LZTS3: variants seen among roughly 807,000 people sequenced by gnomAD.
LZTS3 encodes the protein leucine zipper tumor suppressor family member 3, also known as leucine zipper putative tumor suppressor 3.
LZTS3 carries 16 observed loss-of-function variants against 50.9 expected under a neutral mutation model. The ratio of observed to expected loss-of-function variants is 0.31; its 90% confidence interval spans 0.21 to 0.48. LZTS3 has a LOEUF of 0.48. LZTS3 is among the 20% of genes least tolerant of loss of function. LZTS3 has a pLI of 0.99. For synonymous variants in LZTS3, 408 were observed against 410.6 expected, an observed-to-expected ratio of 0.99 and a Z score of 0.08; for missense variants, 816 against 931.0, an observed-to-expected ratio of 0.88 and a Z score of 1.61.
At position 3,166,345 on chromosome 20, in the gene LZTS3, C is replaced by A. The variant is rs754846615; in HGVS notation, c.475G>T (p.Val159Phe). ...ACAGGCTTGAAGGCCGACGGCCGAA[C>A]TAGTGGTTCTGAGCACTGCAGGAAA... Reference protein sequence around the residue: ...GKLDQCSEPLVRPSAFKPVVP... With the variant: ...GKLDQCSEPLFRPSAFKPVVP... Residue 159 changes from valine (V) to phenylalanine (F), a missense_variant, in exon 4 of 5, where the codon GTT becomes TTT. By Grantham distance (50) the Val-to-Phe change is conservative. This residue lies in a region of LZTS3 where 700 missense variants were observed against 769.4 expected (regional missense o/e 0.91). Transcript: ENST00000337576. The A allele has an allele frequency of 1.2e-6, 2 of 1,609,320 alleles. No homozygotes were observed. Among genetic ancestry groups the A allele is most frequent in the South Asian group, 2.2e-5 (2 of 90,210 alleles).
At chr20:3,171,731 C>A (rs76119523) in intron 1 of LZTS3, among the ~76,000 whole-genome samples, 1 of 151,718 alleles carries the variant, frequency 6.6e-6, no homozygotes, top group Non-Finnish European at 1.5e-5. Flanking sequence ...CCCTGGTAAG[C>A]AGGAACTGAA....
chr20:3,167,367 G>A, intron 2 of LZTS3, 186 bp from the exon 3 acceptor site: 3 of 1,345,230 alleles, frequency 2.2e-6, no homozygotes, highest in Non-Finnish European at 9.5e-7. Context: ...GGGAATGGGG[G>A]CTGCCTGTTG....
chr20:3,165,519 CG>C lies in LZTS3; in HGVS notation c.1300del (p.Arg434GlyfsTer2). The C allele has an allele frequency of 6.4e-7, 1 of 1,554,746 alleles. No homozygotes were observed. The highest frequency in any genetic ancestry group is 8.7e-7 in the Non-Finnish European group (1 of 1,156,042). ...CACCTCCCACTTAGTTTCCTCTATC[CG>C]GGGCAGGAAGTCGGCCTGCTCCTTC... ...CQKEQADFLP[R>X]IEETKWEVCQ... On this transcript the variant is annotated frameshift_variant, in exon 4 of 5. Transcript: ENST00000337576. LOFTEE classifies it high-confidence loss of function. This position sits in a 1 kb window ranked among gnomAD's most constrained non-coding sequence, Gnocchi z 5.0.
chr20:3,164,473 A>G lies in LZTS3; in HGVS notation c.2003T>C (p.Ile668Thr), dbSNP rs2066774899. 2.6e-6 allele frequency: 4 copies of G among 1,548,326 alleles called. No homozygotes were observed. Among genetic ancestry groups the G allele is most frequent in the Non-Finnish European group, 3.5e-6 (4 of 1,145,606 alleles). ...KAWTPSRLER[I>T]ESTEI Reference sequence around the variant, plus strand: ...GGTCGATCAGATTTCTGTGGACTCAATGCGCTCGAGGCGGGAGGGGGTCCA... The same window carrying G: ...GGTCGATCAGATTTCTGTGGACTCAGTGCGCTCGAGGCGGGAGGGGGTCCA... Residue 668 changes from isoleucine (I) to threonine (T), a missense_variant, in exon 5 of 5, where the codon ATT (isoleucine) becomes ACT (threonine). This residue lies in a region of LZTS3 where 107 missense variants were observed against 130.4 expected (regional missense o/e 0.82). Coordinates refer to ENST00000337576, the MANE Select transcript of LZTS3 (RefSeq NM_001365618.1).
chr20:3,172,705 AGGAAAT>A (rs2066914697), intron 1 of LZTS3, among the ~76,000 whole-genome samples: 1 of 152,154 alleles, frequency 6.6e-6, no homozygotes, highest in Admixed American at 6.5e-5. Context: ...CCCTGCACCA[AGGAAAT>A]GCAGGGCAAA....
chr20:3,171,691 G>A (rs1055601114), intron 1 of LZTS3, among the ~76,000 whole-genome samples: 1 of 151,672 alleles, frequency 6.6e-6, no homozygotes, highest in African/African-American at 2.4e-5. Context: ...ATCCCAGCAG[G>A]ACACCGGCAG....
Position 3,165,397 on chromosome 20 carries a change from C to A in LZTS3, c.1323+100G>T. 16 of 1,173,840 alleles carry A rather than the reference C, an allele frequency of 1.4e-5. 1 individual carries two copies. In the Admixed American group the frequency reaches 3.1e-4, roughly 23 times the overall value. The allele number at this position is 1,173,840 out of a possible 1,614,324, so 72.7% of individuals were successfully genotyped here. A position where few individuals can be genotyped will look rare whatever the true frequency, so the allele number is the denominator to read the frequency against. ...TGTCCCCCCTGCTCCTTTCATCCCC[C>A]CCCCCATCCCACCGTTATGATAGTG... On this transcript the variant is annotated intron_variant, in intron 4 of 4. Coordinates refer to ENST00000337576, the MANE Select transcript of LZTS3 (RefSeq NM_001365618.1). The surrounding 1 kb of genome is among the most constrained non-coding windows in gnomAD (Gnocchi z 5.0).
Position 3,166,249 on chromosome 20 carries a change from G to C in LZTS3, c.571C>G (p.Gln191Glu). 1 of 1,613,798 alleles carries C rather than the reference G, an allele frequency of 6.2e-7. No individual in the cohort carries two copies. ...PQTNGTPEGR[Q>E]GPGGLKGGLD... ...CCGCCTTTGAGGCCACCAGGGCCCT[G>C]CCGTCCCTCAGGAGTCCCATTGGTC... The change falls in exon 4 of 5, where the codon CAG becomes GAG. Residue 191 changes from glutamine to glutamate, a missense_variant. By Grantham distance (29) the Gln-to-Glu change is conservative. This residue lies in a region of LZTS3 where 700 missense variants were observed against 769.4 expected (regional missense o/e 0.91). Coordinates refer to ENST00000337576, the MANE Select transcript of LZTS3 (RefSeq NM_001365618.1).
chr20:3,173,260 C>T (rs997381266), intron 1 of LZTS3, among the ~76,000 whole-genome samples, 195 bp downstream of exon 1: 1 of 152,204 alleles, frequency 6.6e-6, no homozygotes, highest in Admixed American at 6.5e-5. Context: ...CCCCTCTGGC[C>T]GCCACCTCCC....
In LZTS3 at chr20:3,173,498, A is replaced by G. The variant is rs1313886112; in HGVS notation, c.-286T>C. ...GCGCGGGGTCTCCGACACGGGCGCC[A>G]CCGGCCCCGCTTGCTGGCGCAGCCC... On this transcript the variant is annotated 5_prime_UTR_variant, in exon 1 of 5. Transcript: ENST00000337576. The G allele has an allele frequency of 6.6e-6, 1 of 151,596 alleles. No individual in the cohort carries two copies. The highest frequency in any genetic ancestry group is 2.1e-4 in the South Asian group (1 of 4,830). 9.4% of individuals were successfully genotyped at this position (151,596 alleles called of 1,614,324 possible).
At position 3,164,756 on chromosome 20, in the gene LZTS3, G is replaced by A. The variant is rs2066781960; in HGVS notation, c.1720C>T (p.Arg574Trp). The A allele has an allele frequency of 2.0e-6, 3 of 1,518,112 alleles. No individual in the cohort carries two copies. Among genetic ancestry groups the A allele is most frequent in the South Asian group, 2.5e-5 (2 of 80,216 alleles). The allele number at this position is 1,518,112 out of a possible 1,614,324, so 94.0% of individuals were successfully genotyped here. A position where few individuals can be genotyped will look rare whatever the true frequency, so the allele number is the denominator to read the frequency against. Residue 574 changes from arginine (R) to tryptophan (W), a missense_variant, in exon 5 of 5, where the codon CGG becomes TGG. Arg to Trp is a moderately radical substitution (Grantham distance 101). This residue lies in a region of LZTS3 where 9 missense variants were observed against 31.2 expected (regional missense o/e 0.29). Transcript: ENST00000337576. ...AGGESGTRAL[R>W]REVGRLQAEL... ...GCCTGCAGCCGCCCCACCTCCCGCC[G>A]CAGGGCCCGCGTCCCGCTCTCCCCG...
intron 1 of LZTS3, among the ~76,000 whole-genome samples, chr20:3,173,032 C>T (rs2066917931): frequency 6.6e-6 from 1 of 151,748 alleles, no homozygotes; most frequent in Non-Finnish European, 1.5e-5. Flanking sequence ...CACGCGCGCA[C>T]ACACGAGCTT....
At chr20:3,171,601 G>A (rs1179561582) in intron 1 of LZTS3, among the ~76,000 whole-genome samples, 2 of 150,978 alleles carry the variant, frequency 1.3e-5, no homozygotes, top group Non-Finnish European at 2.9e-5. Context: ...GGAGGTGGAG[G>A]TTGCAGTGAT....
chr20:3,165,486 C>T lies in LZTS3; in HGVS notation c.1323+11G>A. 6.6e-7 allele frequency: 1 copy of T among 1,521,422 alleles called. No homozygotes were observed. The allele number at this position is 1,521,422 out of a possible 1,614,324, so 94.2% of individuals were successfully genotyped here. ...GGAGGCAGAGGGGAGGCCCAGATCC[C>T]CAGCCCGCACCTCCCACTTAGTTTC... On this transcript the variant is annotated intron_variant, in intron 4 of 4. Coordinates refer to ENST00000337576, the MANE Select transcript of LZTS3 (RefSeq NM_001365618.1). The surrounding 1 kb of genome is among the most constrained non-coding windows in gnomAD (Gnocchi z 5.0).
chr20:3,173,043 C>A (rs1205607204), intron 1 of LZTS3, among the ~76,000 whole-genome samples: 1 of 144,186 alleles, frequency 6.9e-6, no homozygotes, highest in Non-Finnish European at 1.5e-5. Context: ...ACACGAGCTT[C>A]TGCTGGGGGT....
In LZTS3 at chr20:3,164,396, A is replaced by G. The variant is rs868655442; in HGVS notation, c.*58T>C. ...GGAAGAGAGATGGAGGGGAGGGGAC[A>G]CTGGGGACTCTGGCCTTTTGACAGG... On this transcript the variant is annotated 3_prime_UTR_variant, in exon 5 of 5. Coordinates refer to ENST00000337576, the MANE Select transcript of LZTS3 (RefSeq NM_001365618.1). 29 of 1,475,510 alleles carry G rather than the reference A, an allele frequency of 2.0e-5. No homozygotes were observed. The Middle Eastern group carries it at 9.2e-4, about 47-fold the overall frequency. 91.4% of individuals were successfully genotyped at this position (1,475,510 alleles called of 1,614,324 possible).
chr20:3,171,858 G>A (rs1205671010), intron 1 of LZTS3, among the ~76,000 whole-genome samples: 2 of 152,062 alleles, frequency 1.3e-5, no homozygotes, highest in East Asian at 3.9e-4. Context: ...TGACTGCCTC[G>A]ATCTCTGTCA....
At chr20:3,170,528 G>A (rs1202991216) in intron 1 of LZTS3, among the ~76,000 whole-genome samples, 5 of 144,888 alleles carry the variant, frequency 3.5e-5, no homozygotes, top group Non-Finnish European at 6.0e-5. Flanking sequence ...GGTGGCTTAC[G>A]CTTGTAATCC....
In LZTS3 at chr20:3,167,127, G is replaced by A. The variant is rs956674804; in HGVS notation, c.37C>T (p.Pro13Ser). The change falls in exon 3 of 5, where the codon CCA (proline) becomes TCA (serine). Residue 13 changes from proline (P) to serine (S), a missense_variant. Pro to Ser is a moderately conservative substitution (Grantham distance 74). Transcript: ENST00000337576. ...KLETLPVRADPGRDPLLAFAP... is the reference protein window; with the variant it reads ...KLETLPVRADSGRDPLLAFAP... The stretch of plus-strand genomic sequence containing the variant: ...AAGGCCAGGAGAGGATCCCGCCCTG[G>A]GTCAGCGCGCACAGGCAGCGTCTCC... The A allele has an allele frequency of 6.7e-7, 1 of 1,502,738 alleles. No homozygotes were observed. Among genetic ancestry groups the A allele is most frequent in the East Asian group, 2.3e-5 (1 of 43,222 alleles). The allele number at this position is 1,502,738 out of a possible 1,614,324, so 93.1% of individuals were successfully genotyped here.
Sources: allele counts gnomAD v4.1 joint callset (sites outside exome capture counted in the v4.1 genomes callset), GRCh38; gene constraint gnomAD v4.1.1; regional missense constraint gnomAD v4.1.1; non-coding constraint Gnocchi (gnomAD v3.1); transcripts MANE v1.5; gene names NCBI Gene and HGNC (gene_info 2026-07-23, HGNC 2026-07-21).